CD200R1L: variants seen among roughly 807,000 people sequenced by gnomAD.
The protein encoded by CD200R1L is cell surface glycoprotein CD200 receptor 2.
A neutral mutation model predicts 24.8 loss-of-function variants in CD200R1L; 14 were observed. The observed-to-expected ratio is 0.56, with a 90% CI of 0.37 to 0.88. The LOEUF (loss-of-function observed/expected upper bound fraction) is 0.88, where lower values mean the gene tolerates loss of function less well. Among genes scored for constraint, CD200R1L ranks in the 40% least tolerant of loss-of-function variants. The pLI is 0.00. For synonymous variants in CD200R1L, 111 were observed against 109.2 expected, an observed-to-expected ratio of 1.02 and a Z score of -0.11; for missense variants, 299 against 297.8, an observed-to-expected ratio of 1.00 and a Z score of -0.03.
chr3:112,833,852 C>G (rs940830186), intron 3 of CD200R1L, among the ~76,000 whole-genome samples: 2 of 152,108 alleles, frequency 1.3e-5, no homozygotes, highest in East Asian at 3.9e-4. Context: ...GCACTGTAGC[C>G]CCACTCTGGT....
At chr3:112,834,754 G>T (rs1443872709) in intron 3 of CD200R1L, among the ~76,000 whole-genome samples, 2 of 152,206 alleles carry the variant, frequency 1.3e-5, no homozygotes, top group East Asian at 3.9e-4. Flanking sequence ...GACCAATGAG[G>T]GATGTGTGAG....
intron 7 of CD200R1L, among the ~76,000 whole-genome samples, chr3:112,817,977 C>T (rs1011940654): frequency 6.6e-6 from 1 of 152,164 alleles, no homozygotes; most frequent in Non-Finnish European, 1.5e-5. Context: ...AGCAGAAACC[C>T]TTGATAAACC....
rs112157897 is a variant in CD200R1L at position 112,816,265 on chromosome 3, C to T, written c.741-290G>A. 4.5e-4 allele frequency among the ~76,000 whole-genome samples: 69 copies of T among 152,228 alleles called. 1 individual carries two copies. Among genetic ancestry groups the T allele is most frequent in the African/African-American group, 1.6e-3 (65 of 41,554 alleles). ...GCTTACTCATATGTTTAGGGGATGG[C>T]TGACTATTGCATCTTCTAGGTTGGC... On this transcript the variant is annotated intron_variant, in intron 7 of 7. Transcript: ENST00000488794.
intron 4 of CD200R1L, among the ~76,000 whole-genome samples, chr3:112,828,736 T>TA (rs1031741607): frequency 6.6e-6 from 1 of 152,162 alleles, no homozygotes; most frequent in Non-Finnish European, 1.5e-5. Flanking sequence ...TCTGCCAACA[T>TA]AGATTCTCAT....
intron 2 of CD200R1L, among the ~76,000 whole-genome samples, chr3:112,842,466 G>T (rs2087285): frequency 6.6e-6 from 1 of 151,954 alleles, no homozygotes; most frequent in African/African-American, 2.4e-5. Context: ...AAACATGTGT[G>T]TTTGAACAAT....
chr3:112,842,461 T>G (rs1352182971), intron 2 of CD200R1L, among the ~76,000 whole-genome samples: 1 of 152,172 alleles, frequency 6.6e-6, no homozygotes, highest in Non-Finnish European at 1.5e-5. Context: ...CTGTAAAACA[T>G]GTGTGTTTGA....
At chr3:112,838,507 G>A (rs747959765) in intron 2 of CD200R1L, among the ~76,000 whole-genome samples, 6 of 151,622 alleles carry the variant, frequency 4.0e-5, no homozygotes, top group Non-Finnish European at 7.4e-5. Context: ...AACGGTAAGG[G>A]AAACCTCTCA....
intron 6 of CD200R1L, among the ~76,000 whole-genome samples, chr3:112,826,352 A>G (rs571118690): frequency 6.6e-6 from 1 of 152,230 alleles, no homozygotes; most frequent in Admixed American, 6.5e-5. Flanking sequence ...CAATAATCCT[A>G]TTAGGTAGAT....
At position 112,815,750 on chromosome 3, in the gene CD200R1L, G is replaced by A. The variant is rs1938367591; in HGVS notation, c.*213C>T. 2 of 534,334 alleles carry A rather than the reference G, an allele frequency of 3.7e-6. No individual in the cohort carries two copies. Among genetic ancestry groups the A allele is most frequent in the Non-Finnish European group, 6.8e-6 (2 of 295,164 alleles). 33.1% of individuals were successfully genotyped at this position (534,334 alleles called of 1,614,324 possible). On this transcript the variant is annotated 3_prime_UTR_variant, in exon 8 of 8. Transcript: ENST00000488794. ...TTTTATTCACTCTAACACAAAAGAA[G>A]TCAATGAATAGGTGGTTGAGGGTTT...
chr3:112,821,921 A>C (rs2107331670), intron 6 of CD200R1L, among the ~76,000 whole-genome samples: 1 of 152,308 alleles, frequency 6.6e-6, no homozygotes, highest in Non-Finnish European at 1.5e-5. Flanking sequence ...TAAAAGAAAG[A>C]CTTTTCAAGA....
At chr3:112,819,419 A>G (rs1368623374) in intron 7 of CD200R1L, among the ~76,000 whole-genome samples, 3 of 152,220 alleles carry the variant, frequency 2.0e-5, no homozygotes, top group Non-Finnish European at 4.4e-5. Context: ...AAAATATATA[A>G]TTAAGCAGGA....
chr3:112,825,013 G>A (rs771567965), intron 6 of CD200R1L, among the ~76,000 whole-genome samples: 6 of 152,246 alleles, frequency 3.9e-5, no homozygotes, highest in African/African-American at 9.6e-5. Flanking sequence ...CCAGGCGGGC[G>A]GATCACCAGA....
Position 112,846,823 on chromosome 3 carries a change from T to A in CD200R1L, c.-557A>T, listed in dbSNP as rs1194650413. The A allele has an allele frequency of 6.6e-6, 1 of 152,200 alleles. No individual in the cohort carries two copies. 9.4% of individuals were successfully genotyped at this position (152,200 alleles called of 1,614,324 possible). On this transcript the variant is annotated 5_prime_UTR_variant, in exon 1 of 8. The change abolishes an upstream ATG in the 5' untranslated region. Transcript: ENST00000488794. ...ACTGGGCGCATACACAGGAACACCA[T>A]GTGAAGATAAAAGGCAGAGATCTGA...
intron 6 of CD200R1L, among the ~76,000 whole-genome samples, chr3:112,820,588 G>A (rs1938511101): frequency 2.0e-5 from 3 of 151,722 alleles, no homozygotes; most frequent in Non-Finnish European, 2.9e-5. Context: ...GCACCACCAC[G>A]CCTGGCTAAT....
intron 3 of CD200R1L, among the ~76,000 whole-genome samples, chr3:112,836,559 C>T (rs1269818603): frequency 6.6e-6 from 1 of 152,222 alleles, no homozygotes; most frequent in Admixed American, 6.5e-5. Flanking sequence ...AAGACTCAGT[C>T]TTGCTGTGGA....
intron 2 of CD200R1L, chr3:112,841,280 C>G: frequency 2.2e-6 from 1 of 451,842 alleles, no homozygotes; most frequent in South Asian, 1.6e-5. Flanking sequence ...TGCTTGCTTC[C>G]CCTTCACATT....
chr3:112,841,257 C>T (rs73225776), intron 2 of CD200R1L: 60,896 of 448,800 alleles, frequency 0.14, 4,852 homozygotes, highest in African/African-American at 0.2. Context: ...CTTCTGCTGG[C>T]CATTTGAAGA....
intron 6 of CD200R1L, among the ~76,000 whole-genome samples, chr3:112,822,914 C>G (rs74913718): frequency 0.036 from 5,407 of 152,222 alleles, 118 homozygotes; most frequent in African/African-American, 0.058. Context: ...AAGACGTATT[C>G]CCTCTAAACT....
intron 2 of CD200R1L, among the ~76,000 whole-genome samples, chr3:112,842,689 A>G (rs1395879525): frequency 6.6e-6 from 1 of 152,154 alleles, no homozygotes; most frequent in Admixed American, 6.5e-5. Context: ...TACCCTGGGA[A>G]AGGAATACAT....
Sources: allele counts gnomAD v4.1 joint callset (sites outside exome capture counted in the v4.1 genomes callset), GRCh38; gene constraint gnomAD v4.1.1; transcripts MANE v1.5; gene names NCBI Gene and HGNC (gene_info 2026-07-23, HGNC 2026-07-21).